Variants in TRUB1 observed in about 807,000 individuals in gnomAD.
TRUB1 encodes pseudouridylate synthase TRUB1.
TRUB1 carries 23 observed loss-of-function variants against 33.9 expected under a neutral mutation model. That is an observed-to-expected ratio of 0.68 (90% CI 0.49 to 0.96). The LOEUF is 0.96. TRUB1 is among the 40% of genes least tolerant of loss of function. The pLI, the probability that TRUB1 is intolerant of heterozygous loss-of-function variation, is 0.00. For missense variants in TRUB1, 378 were observed against 422.2 expected (o/e 0.90, Z 0.92); for synonymous variants, 163 against 165.4 (o/e 0.99, Z 0.11).
At chr10:114,947,722 A>G (rs575197335) in intron 2 of TRUB1, among the ~76,000 whole-genome samples, 1 of 152,362 alleles carries the variant, frequency 6.6e-6, no homozygotes, top group African/African-American at 2.4e-5. Flanking sequence ...TGGCTATAAA[A>G]TGTTCCATCA....
At chr10:114,951,385 A>ACATTTTGAGCATTTACAGTGCT (rs1187377167) in intron 3 of TRUB1, among the ~76,000 whole-genome samples, 1 of 152,250 alleles carries the variant, frequency 6.6e-6, no homozygotes, top group Non-Finnish European at 1.5e-5. Flanking sequence ...TCATCATTTA[A>ACATTTTGAGCATTTACAGTGCT]CAAAATTATA....
chr10:114,944,000 C>CTTTTTTTTTTTT (rs573847481), intron 2 of TRUB1, among the ~76,000 whole-genome samples: 1 of 101,518 alleles, frequency 9.9e-6, no homozygotes, highest in Non-Finnish European at 1.9e-5. Context: ...TTTATTCCAT[C>CTTTTTTTTTTTT]TTTTTTTTTT....
intron 4 of TRUB1, among the ~76,000 whole-genome samples, chr10:114,965,158 T>C (rs991274879): frequency 6.6e-6 from 1 of 152,026 alleles, no homozygotes; most frequent in African/African-American, 2.4e-5. Context: ...CTCAATCTCC[T>C]GACCTTGTGA....
At chr10:114,941,300 C>G (rs940661453) in intron 1 of TRUB1, among the ~76,000 whole-genome samples, 1 of 151,912 alleles carries the variant, frequency 6.6e-6, no homozygotes, top group Admixed American at 6.6e-5. Context: ...GGCTCTGTCT[C>G]CCCAAAGTAC....
rs115827274 is a variant in TRUB1 at position 114,948,359 on chromosome 10, C to T, written c.386-2735C>T. Among the ~76,000 whole-genome samples, 302 of 152,288 alleles carry T rather than the reference C, an allele frequency of 2.0e-3. 2 individuals are homozygous for T. Among genetic ancestry groups the T allele is most frequent in the African/African-American group, 7.1e-3 (296 of 41,554 alleles). The stretch of plus-strand genomic sequence containing the variant: ...CTACCTTTGAAGCCTGCCTGCTGCT[C>T]TTCTATACTGCTAATGTAAAATTTC... On this transcript the variant is annotated intron_variant, in intron 2 of 7. Coordinates refer to ENST00000298746, the MANE Select transcript of TRUB1 (RefSeq NM_139169.5).
In TRUB1 at chr10:114,972,155, A is replaced by G; in HGVS notation, c.617A>G (p.Asp206Gly). ...ACAAGCTATTCTGCATTAAAGAAAG[A>G]TGGACAAAGACTTTCGACTTTGATG... ...VPPLYSALKK[D>G]GQRLSTLMKR... The change falls in exon 6 of 8, where the codon GAT (aspartate) becomes GGT (glycine). Residue 206 changes from aspartate (D) to glycine (G), a missense_variant. Asp to Gly is a moderately conservative substitution (Grantham distance 94, BLOSUM62 -1). Coordinates refer to ENST00000298746, the MANE Select transcript of TRUB1 (RefSeq NM_139169.5). The G allele has an allele frequency of 1.2e-6, 2 of 1,613,152 alleles. No homozygotes were observed. Among genetic ancestry groups the G allele is most frequent in the Admixed American group, 1.7e-5 (1 of 59,772 alleles).
intron 2 of TRUB1, among the ~76,000 whole-genome samples, chr10:114,947,102 T>G (rs1236844324): frequency 6.6e-6 from 1 of 150,990 alleles, no homozygotes; most frequent in Non-Finnish European, 1.5e-5. Flanking sequence ...GAGGTTGGAG[T>G]AATGTGGTTG....
chr10:114,940,741 C>G (rs2084182898), intron 1 of TRUB1, among the ~76,000 whole-genome samples: 2 of 152,178 alleles, frequency 1.3e-5, no homozygotes, highest in South Asian at 4.1e-4. Context: ...ATGGGGCCTT[C>G]TTACTCCAAG....
At chr10:114,963,963 G>C (rs1045552922) in intron 4 of TRUB1, among the ~76,000 whole-genome samples, 41 of 134,002 alleles carry the variant, frequency 3.1e-4, no homozygotes, top group Non-Finnish European at 5.9e-4. Flanking sequence ...GTGGAATATA[G>C]GTCGTGTGTG....
At chr10:114,968,415 C>G (rs1399638789) in intron 4 of TRUB1, among the ~76,000 whole-genome samples, 1 of 152,168 alleles carries the variant, frequency 6.6e-6, no homozygotes, top group South Asian at 2.1e-4. Context: ...TTAACTATTG[C>G]AATTTTATCA....
At chr10:114,966,192 T>C (rs1187363386) in intron 4 of TRUB1, among the ~76,000 whole-genome samples, 1 of 152,210 alleles carries the variant, frequency 6.6e-6, no homozygotes, top group Admixed American at 6.5e-5. Context: ...ATTTCAGATA[T>C]GGATTCAAGG....
At chr10:114,967,904 T>C (rs576004183) in intron 4 of TRUB1, among the ~76,000 whole-genome samples, 1 of 152,318 alleles carries the variant, frequency 6.6e-6, no homozygotes, top group South Asian at 2.1e-4. Flanking sequence ...AATTCAAACA[T>C]CAGATGGATG....
At chr10:114,951,220 A>G (rs771421485) in intron 3 of TRUB1, 71 bp downstream of exon 3, 1 of 1,212,842 alleles carries the variant, frequency 8.2e-7, no homozygotes, top group Admixed American at 1.9e-5. Context: ...GTTTTTATCA[A>G]ATAAAAAATA....
At chr10:114,948,782 C>T (rs945620794) in intron 2 of TRUB1, among the ~76,000 whole-genome samples, 2 of 152,142 alleles carry the variant, frequency 1.3e-5, no homozygotes, top group Non-Finnish European at 2.9e-5. Flanking sequence ...ATCATGAGTT[C>T]AGTATTTCAG....
intron 5 of TRUB1, among the ~76,000 whole-genome samples, chr10:114,971,262 A>G (rs1278907293): frequency 6.6e-6 from 1 of 152,212 alleles, no homozygotes; most frequent in Non-Finnish European, 1.5e-5. Flanking sequence ...GGATTTCAGC[A>G]TATAAATTTG....
At chr10:114,943,351 G>A (rs1199704431) in intron 2 of TRUB1, among the ~76,000 whole-genome samples, 1 of 152,126 alleles carries the variant, frequency 6.6e-6, no homozygotes, top group Non-Finnish European at 1.5e-5. Flanking sequence ...CCAACATGGT[G>A]AAACCCTGTC....
chr10:114,963,593 A>C (rs1314615432), intron 4 of TRUB1, among the ~76,000 whole-genome samples: 1 of 152,190 alleles, frequency 6.6e-6, no homozygotes, highest in African/African-American at 2.4e-5. Context: ...CTTGTGCCCT[A>C]TCTGTCATTA....
intron 4 of TRUB1, among the ~76,000 whole-genome samples, chr10:114,965,619 A>G (rs1216478599): frequency 3.5e-4 from 54 of 152,192 alleles, no homozygotes; most frequent in Admixed American, 3.5e-3. Flanking sequence ...ATTCTCAGGA[A>G]GAATTTCTAT....
intron 2 of TRUB1, among the ~76,000 whole-genome samples, chr10:114,948,691 A>G (rs2084221583): frequency 6.6e-6 from 1 of 152,198 alleles, no homozygotes. Flanking sequence ...TTAGGTTAAA[A>G]TGAGAGGATT....
Sources: gnomAD v4.1 joint callset for allele counts (sites outside exome capture counted in the v4.1 genomes callset) on GRCh38, gnomAD v4.1.1 for gene constraint, MANE v1.5 for transcripts, NCBI Gene and HGNC (gene_info 2026-07-23, HGNC 2026-07-21) for gene names.